The following L3MBTL1 variants were observed in gnomAD, a reference collection of about 807,000 sequenced individuals.
L3MBTL1 encodes the protein L3MBTL histone methyl-lysine binding protein 1.
In L3MBTL1, 75 loss-of-function variants were observed where a neutral mutation model predicts 105.3. The observed-to-expected ratio is 0.71, with a 90% CI of 0.59 to 0.86. L3MBTL1 has a LOEUF of 0.86. Among genes scored for constraint, L3MBTL1 ranks in the 40% least tolerant of loss-of-function variants. The probability of loss-of-function intolerance (pLI) is 0.00; values close to 1 mark genes in which losing one functional copy is unlikely to be tolerated. For missense variants in L3MBTL1, 1,069 were observed against 1,126.4 expected (o/e 0.95, Z 0.73); for synonymous variants, 452 against 436.2 (o/e 1.04, Z -0.45).
At chr20:43,544,789 A>G (rs1978478300), downstream of L3MBTL1, among the ~76,000 whole-genome samples, 1 of 152,002 alleles carries the variant, frequency 6.6e-6, no homozygotes, top group Non-Finnish European at 1.5e-5. Context: ...ATGTGGTGAA[A>G]CCCAGTCTCT....
At chr20:43,518,868 A>C (rs2018550788) in intron 7 of L3MBTL1, among the ~76,000 whole-genome samples, 1 of 134,750 alleles carries the variant, frequency 7.4e-6, no homozygotes, top group Non-Finnish European at 1.7e-5. Flanking sequence ...AAAAAAAAAA[A>C]AAAAAAAAAA....
In L3MBTL1 at chr20:43,514,788, G is replaced by A. The variant is rs904234635; in HGVS notation, c.502+12G>A. On this transcript the variant is annotated intron_variant, in intron 4 of 21. Coordinates refer to ENST00000418998, the MANE Select transcript of L3MBTL1 (RefSeq NM_001377303.1). Reference sequence around the variant, plus strand: ...CCCCCAACAGGCGGGTAGGAGCCCCGCTCCCCAGGCCCTGAGCTGGGCCCT... The same window carrying A: ...CCCCCAACAGGCGGGTAGGAGCCCCACTCCCCAGGCCCTGAGCTGGGCCCT... The A allele has an allele frequency of 3.9e-6, 6 of 1,539,538 alleles. No individual in the cohort carries two copies. In the African/African-American group the frequency reaches 5.5e-5, roughly 14 times the overall value.
chr20:43,548,275 C>T (rs1978764134), exon 19 of L3MBTL1: 1 of 1,298,804 alleles, frequency 7.7e-7, no homozygotes, highest in South Asian at 1.2e-5. Context: ...TCCTGCAGCC[C>T]CTGCTTGGCC....
intron 1 of L3MBTL1, among the ~76,000 whole-genome samples, chr20:43,508,825 C>G (rs2018055432): frequency 6.6e-6 from 1 of 152,252 alleles, no homozygotes; most frequent in African/African-American, 2.4e-5. Context: ...AGGCCTCAGC[C>G]TGACCTAATG....
In L3MBTL1 at chr20:43,529,280, A is replaced by C; in HGVS notation, c.968A>C (p.His323Pro). 6.2e-7 allele frequency: 1 copy of C among 1,611,868 alleles called. No individual in the cohort carries two copies. Among genetic ancestry groups the C allele is most frequent in the Non-Finnish European group, 8.5e-7 (1 of 1,179,030 alleles). The part of the protein sequence containing the change: ...SLFQDSQAVT[H>P]NKNGFKLGMK... ...CGTTGACAGTCCCAGGCAGTCACTC[A>C]CAACAAGAATGGCTTCAAACTGGGC... is the stretch of plus-strand genomic sequence containing the variant. Residue 323 changes from histidine (H) to proline (P), a missense_variant, in exon 9 of 22, where the codon CAC (histidine) becomes CCC (proline). His to Pro is a moderately conservative substitution (Grantham distance 77). Coordinates refer to ENST00000418998, the MANE Select transcript of L3MBTL1 (RefSeq NM_001377303.1).
chr20:43,544,110 G>A (rs1047605327), downstream of L3MBTL1, among the ~76,000 whole-genome samples: 3 of 152,160 alleles, frequency 2.0e-5, no homozygotes, highest in Admixed American at 2.0e-4. Context: ...GGGGCCAGTG[G>A]GCTCTACTAA....
intron 1 of L3MBTL1, among the ~76,000 whole-genome samples, chr20:43,509,946 C>T (rs531278369): frequency 6.6e-6 from 1 of 152,300 alleles, no homozygotes; most frequent in African/African-American, 2.4e-5. Flanking sequence ...TCACTGCAAC[C>T]TCCACCTCCT....
At chr20:43,529,794 G>A (rs891128098) in intron 9 of L3MBTL1, among the ~76,000 whole-genome samples, 1 of 152,228 alleles carries the variant, frequency 6.6e-6, no homozygotes, top group Non-Finnish European at 1.5e-5. Context: ...GGCCTCCTTT[G>A]CAGAGTCTTG....
intron 8 of L3MBTL1, 183 bp downstream of exon 8, chr20:43,528,928 G>A: frequency 1.6e-6 from 1 of 614,598 alleles, no homozygotes. Flanking sequence ...CTGGCAGGGT[G>A]GGAAGAAACA....
rs756072171 is a variant in L3MBTL1, at chr20:43,530,382, G to T, written c.1155G>T (p.Trp385Cys). The T allele has an allele frequency of 7.4e-6, 12 of 1,614,182 alleles. No individual in the cohort carries two copies. The highest frequency in any genetic ancestry group is 1.0e-5 in the Non-Finnish European group (12 of 1,180,016). ...CCCCTGACATTCACCCTGCTGGCTG[G>T]TTCGAGAAGACGGGCCACAAGCTGC... The part of the protein sequence containing the change: ...ANSPDIHPAG[W>C]FEKTGHKLQP... Residue 385 changes from tryptophan (W) to cysteine (C), a missense_variant, in exon 10 of 22, where the codon TGG (tryptophan) becomes TGT (cysteine). Coordinates refer to ENST00000418998, the MANE Select transcript of L3MBTL1 (RefSeq NM_001377303.1).
At chr20:43,537,066 C>A (rs1317172320) in intron 19 of L3MBTL1, among the ~76,000 whole-genome samples, 1 of 152,180 alleles carries the variant, frequency 6.6e-6, no homozygotes, top group Non-Finnish European at 1.5e-5. Flanking sequence ...GTCACTTGCC[C>A]AAGGTCATTC....
chr20:43,538,825 G>T (rs1231034528), intron 19 of L3MBTL1: 1 of 152,282 alleles, frequency 6.6e-6, no homozygotes, highest in Non-Finnish European at 1.5e-5. Flanking sequence ...CCACCCCAGG[G>T]TATGAAACCC....
intron 11 of L3MBTL1, chr20:43,531,781 A>T (rs1182422807): frequency 6.6e-6 from 1 of 152,276 alleles, no homozygotes; most frequent in Non-Finnish European, 1.5e-5. Flanking sequence ...TAATTCCAGT[A>T]CTTTGGGAGG....
chr20:43,533,786 G>C (rs1005144192), intron 13 of L3MBTL1, among the ~76,000 whole-genome samples: 1 of 152,124 alleles, frequency 6.6e-6, no homozygotes, highest in Non-Finnish European at 1.5e-5. Flanking sequence ...CAGGAGTCAG[G>C]GTTCCCAGAC....
chr20:43,530,138 A>C, intron 9 of L3MBTL1, 146 bp from the exon 10 acceptor site: 99 of 849,990 alleles, frequency 1.2e-4, no homozygotes, highest in Non-Finnish European at 1.6e-4. Context: ...AGGGTGGGGT[A>C]CAATTGGGAG....
At chr20:43,540,335 C>T (rs2019853723) in intron 20 of L3MBTL1, 27 bp downstream of exon 20, 4 of 1,607,764 alleles carry the variant, frequency 2.5e-6, no homozygotes, top group Non-Finnish European at 3.4e-6. Flanking sequence ...CTTCTTTATC[C>T]TTCTCTTCCT....
rs1310132681 is a variant in L3MBTL1 at position 43,541,870 on chromosome 20, A to G, written c.*742A>G. 1.0e-6 allele frequency: 1 copy of G among 985,346 alleles called. No homozygotes were observed. The highest frequency in any genetic ancestry group is 1.7e-5 in the African/African-American group (1 of 57,252). 61.0% of individuals were successfully genotyped at this position (985,346 alleles called of 1,614,324 possible). On this transcript the variant is annotated 3_prime_UTR_variant, in exon 22 of 22. Transcript: ENST00000418998. ...ACAAAATGACTGCTATGGTGGGAAC[A>G]CAATAAACACCAGTTTTGACTTTTA...
chr20:43,519,657 G>A (rs188080856), intron 7 of L3MBTL1, among the ~76,000 whole-genome samples: 2 of 152,244 alleles, frequency 1.3e-5, no homozygotes, highest in Non-Finnish European at 2.9e-5. Context: ...AAGAGATGAG[G>A]TCTTGCTGTA....
chr20:43,530,860 C>G lies in L3MBTL1; in HGVS notation c.1255C>G (p.Pro419Ala). Residue 419 changes from proline to alanine, a missense_variant, in exon 11 of 22, where the codon CCC (proline) becomes GCC (alanine). Coordinates refer to ENST00000418998, the MANE Select transcript of L3MBTL1 (RefSeq NM_001377303.1). ...YLRSTRAQAA[P>A]KHLFVSQSHS... is the part of the protein sequence containing the mutation. Reference sequence around the variant, plus strand: ...GCGCAGCACAAGAGCTCAGGCTGCCCCCAAGCACCTGTTTGTGAGCCAGAG... The same window carrying G: ...GCGCAGCACAAGAGCTCAGGCTGCCGCCAAGCACCTGTTTGTGAGCCAGAG... The G allele has an allele frequency of 6.2e-7, 1 of 1,614,026 alleles. No individual in the cohort carries two copies. The highest frequency in any genetic ancestry group is 1.1e-5 in the South Asian group (1 of 91,060).
Sources: gnomAD v4.1 joint callset for allele counts (sites outside exome capture counted in the v4.1 genomes callset) on GRCh38, gnomAD v4.1.1 for gene constraint, MANE v1.5 for transcripts, NCBI Gene and HGNC (gene_info 2026-07-23, HGNC 2026-07-21) for gene names.